Variants in CDH13 observed in about 807,000 individuals in gnomAD.
CDH13 encodes the protein cadherin 13, also known as cadherin-13.
Under a neutral mutation model 63.8 loss-of-function variants are expected in CDH13, and 24 were observed. That is an observed-to-expected ratio of 0.38 (90% CI 0.27 to 0.53). The LOEUF (loss-of-function observed/expected upper bound fraction) is 0.53. Among genes scored for constraint, CDH13 ranks in the 20% least tolerant of loss-of-function variants. The pLI is 0.85. For synonymous variants in CDH13, 503 were observed against 355.3 expected, an observed-to-expected ratio of 1.42 and a Z score of -4.67; for missense variants, 1,049 against 903.1, an observed-to-expected ratio of 1.16 and a Z score of -2.07.
At chr16:83,625,205 T>C (rs1910186468) in intron 8 of CDH13, among the ~76,000 whole-genome samples, 1 of 149,610 alleles carries the variant, frequency 6.7e-6, no homozygotes, top group Non-Finnish European at 1.5e-5. Context: ...TGTGTGTGCA[T>C]GTGTGTGTGC....
At position 83,311,327 on chromosome 16, in the gene CDH13, T is replaced by TA. The variant is rs66626032; in HGVS notation, c.637-33523dup. On this transcript the variant is annotated intron_variant, in intron 5 of 13. Coordinates refer to ENST00000567109, the MANE Select transcript of CDH13 (RefSeq NM_001257.5). ...GGCTGCTTTGCAGCAAGGAGATTGT[T>TA]AAAAAAAAAAAATTAAAAAGTAAAA... is the stretch of plus-strand genomic sequence containing the variant. 3.4e-4 allele frequency among the ~76,000 whole-genome samples: 51 copies of TA among 150,008 alleles called. 1 individual carries two copies. In the Middle Eastern group the frequency reaches 0.01, roughly 30 times the overall value.
intron 1 of CDH13, among the ~76,000 whole-genome samples, chr16:82,776,494 C>G (rs1392846983): frequency 1.3e-5 from 2 of 152,098 alleles, no homozygotes; most frequent in Non-Finnish European, 2.9e-5. Flanking sequence ...AAATGGGACA[C>G]AAAGGGAGCA....
chr16:83,750,405 C>T (rs1034953030), intron 11 of CDH13, among the ~76,000 whole-genome samples: 1 of 152,208 alleles, frequency 6.6e-6, no homozygotes, highest in Non-Finnish European at 1.5e-5. Context: ...AGTGGTTCTT[C>T]AGGCCTAATT....
chr16:83,448,048 A>AGGGG lies in CDH13; in HGVS notation c.782-38429_782-38428insGGGG, dbSNP rs1344715893. ...AGGTACTTCCAAGGGAATGAGAGGA[A>AGGGG]AAGCACAGTGTTTAGCTGAGATAGG... On this transcript the variant is annotated intron_variant, in intron 6 of 13. Coordinates refer to ENST00000567109, the MANE Select transcript of CDH13 (RefSeq NM_001257.5). 3.9e-5 allele frequency among the ~76,000 whole-genome samples: 6 copies of AGGGG among 152,334 alleles called. No homozygotes were observed. The East Asian group carries it at 1.2e-3, about 29-fold the overall frequency.
At chr16:83,455,585 C>A (rs182489985) in intron 6 of CDH13, among the ~76,000 whole-genome samples, 1 of 152,160 alleles carries the variant, frequency 6.6e-6, no homozygotes, top group Non-Finnish European at 1.5e-5. Flanking sequence ...TTCTTGTGCT[C>A]TTCTCTGCTT....
intron 1 of CDH13, among the ~76,000 whole-genome samples, chr16:82,706,622 C>T (rs2031512442): frequency 6.6e-6 from 1 of 151,446 alleles, no homozygotes; most frequent in African/African-American, 2.4e-5. Flanking sequence ...TGGTGAAACC[C>T]CGTCTCTACT....
In CDH13 at chr16:83,093,484, A is replaced by T. The variant is rs145895747; in HGVS notation, c.367-31901A>T. Among the ~76,000 whole-genome samples, 553 of 151,416 alleles carry T rather than the reference A, an allele frequency of 3.7e-3. 6 individuals are homozygous for T. The highest frequency in any genetic ancestry group is 0.013 in the African/African-American group (524 of 41,308). On this transcript the variant is annotated intron_variant, in intron 3 of 13. Transcript: ENST00000567109. ...TAGGCACCCACCACCATGCCTGGCT[A>T]ATTTTTTGTATTTTTAGTAGAGATG...
At chr16:83,426,119 TTTC>T (rs1269212127) in intron 6 of CDH13, among the ~76,000 whole-genome samples, 3 of 152,118 alleles carry the variant, frequency 2.0e-5, no homozygotes, top group African/African-American at 4.8e-5. Flanking sequence ...TGGAAGAACC[TTTC>T]TTCTTTCACC....
intron 2 of CDH13, among the ~76,000 whole-genome samples, chr16:82,978,481 C>G (rs1260889802): frequency 6.6e-6 from 1 of 152,232 alleles, no homozygotes; most frequent in Non-Finnish European, 1.5e-5. Context: ...AGGCCCAAGT[C>G]TCCCCTGCTT....
chr16:83,269,862 T>G (rs1461124016), intron 5 of CDH13, among the ~76,000 whole-genome samples: 1 of 152,240 alleles, frequency 6.6e-6, no homozygotes, highest in African/African-American at 2.4e-5. Flanking sequence ...TGATCTCATC[T>G]GATTTGTCTG....
At chr16:83,409,693 T>G (rs146326867) in intron 6 of CDH13, among the ~76,000 whole-genome samples, 2 of 152,334 alleles carry the variant, frequency 1.3e-5, no homozygotes, top group Non-Finnish European at 2.9e-5. Context: ...CACATGAAAC[T>G]TCCTCCTTGA....
intron 7 of CDH13, among the ~76,000 whole-genome samples, chr16:83,537,148 G>A (rs772178830): frequency 6.6e-6 from 1 of 152,228 alleles, no homozygotes; most frequent in Non-Finnish European, 1.5e-5. Flanking sequence ...CACAGATTTG[G>A]AGTAGGCATT....
chr16:82,659,236 C>T (rs1911652303), intron 1 of CDH13, among the ~76,000 whole-genome samples: 1 of 152,186 alleles, frequency 6.6e-6, no homozygotes, highest in Admixed American at 6.5e-5. Flanking sequence ...TTCCTCTCTC[C>T]CTTCATTCAA....
intron 1 of CDH13, among the ~76,000 whole-genome samples, chr16:82,661,414 C>T (rs538607963): frequency 2.0e-5 from 3 of 152,318 alleles, no homozygotes; most frequent in Non-Finnish European, 4.4e-5. Flanking sequence ...TGCTTTAGTA[C>T]GCACGATATT....
chr16:83,630,085 G>A (rs1475324777), intron 8 of CDH13, among the ~76,000 whole-genome samples: 3 of 152,154 alleles, frequency 2.0e-5, no homozygotes, highest in Non-Finnish European at 2.9e-5. Flanking sequence ...CAAACATCTA[G>A]CCTAGCTTTG....
intron 4 of CDH13, among the ~76,000 whole-genome samples, chr16:83,154,652 G>A (rs74031404): frequency 0.015 from 2,283 of 152,090 alleles, 67 homozygotes; most frequent in African/African-American, 0.052. Flanking sequence ...TGTAGCCTAA[G>A]CTGACTGATA....
At chr16:83,705,752 T>A (rs1906946127) in intron 10 of CDH13, among the ~76,000 whole-genome samples, 1 of 152,272 alleles carries the variant, frequency 6.6e-6, no homozygotes, top group African/African-American at 2.4e-5. Context: ...CTGACCTTAC[T>A]GTCAAGCATT....
chr16:82,708,304 G>C (rs1268510064), intron 1 of CDH13, among the ~76,000 whole-genome samples: 1 of 152,160 alleles, frequency 6.6e-6, no homozygotes, highest in Non-Finnish European at 1.5e-5. Flanking sequence ...AAGGAGGAGA[G>C]AATGGGTTTT....
chr16:83,677,139 G>C (rs979922505), intron 9 of CDH13, among the ~76,000 whole-genome samples: 2 of 152,148 alleles, frequency 1.3e-5, no homozygotes, highest in African/African-American at 4.8e-5. Context: ...CCCATGCACC[G>C]CTGACAGAGA....
Sources: allele counts gnomAD v4.1 joint callset (sites outside exome capture counted in the v4.1 genomes callset), GRCh38; gene constraint gnomAD v4.1.1; transcripts MANE v1.5; gene names NCBI Gene and HGNC (gene_info 2026-07-23, HGNC 2026-07-21).